Variants in ARID1B observed in about 807,000 individuals in gnomAD.
ARID1B encodes AT-rich interactive domain-containing protein 1B.
In ARID1B, 30 loss-of-function variants were observed where a neutral mutation model predicts 212.3. The observed-to-expected ratio is 0.14, with a 90% CI of 0.11 to 0.19. The LOEUF (loss-of-function observed/expected upper bound fraction) is 0.19. Among genes scored for constraint, ARID1B ranks in the 10% least tolerant of loss-of-function variants. The pLI, the probability that ARID1B is intolerant of heterozygous loss-of-function variation, is 1.00. For missense variants in ARID1B, 2,891 were observed against 3,204.0 expected, an observed-to-expected ratio of 0.90 and a Z score of 2.36; for synonymous variants, 1,402 against 1,301.7, an observed-to-expected ratio of 1.08 and a Z score of -1.66.
At chr6:157,123,665 A>T (rs1420838756) in intron 6 of ARID1B, among the ~76,000 whole-genome samples, 1 of 152,252 alleles carries the variant, frequency 6.6e-6, no homozygotes, top group Non-Finnish European at 1.5e-5. Context: ...GTTTGTAGGG[A>T]AACCTGGCAA....
chr6:157,003,890 G>T (rs943321624), intron 4 of ARID1B, among the ~76,000 whole-genome samples: 2 of 151,778 alleles, frequency 1.3e-5, no homozygotes, highest in Non-Finnish European at 2.9e-5. Flanking sequence ...CTTTGGCCGA[G>T]AGTTCAAGGC....
chr6:156,934,912 T>TTATATATATATATATA, intron 3 of ARID1B, among the ~76,000 whole-genome samples: 1 of 52,692 alleles, frequency 1.9e-5, no homozygotes, highest in South Asian at 8.6e-4. Flanking sequence ...TAGTTGTTAA[T>TTATATATATATATATA]TATATATATA....
At chr6:156,971,814 C>T (rs554591048) in intron 4 of ARID1B, among the ~76,000 whole-genome samples, 145 of 152,238 alleles carry the variant, frequency 9.5e-4, no homozygotes, top group African/African-American at 3.4e-3. Context: ...CTGCTTAGAA[C>T]GGGCCTACCC....
chr6:157,193,691 G>A (rs548577500), intron 15 of ARID1B: 1 of 152,312 alleles, frequency 6.6e-6, no homozygotes, highest in South Asian at 2.1e-4. Flanking sequence ...CTATAACATG[G>A]CAGATGGATT....
At chr6:157,140,067 C>A (rs1789233185) in intron 7 of ARID1B, among the ~76,000 whole-genome samples, 2 of 152,022 alleles carry the variant, frequency 1.3e-5, no homozygotes, top group Admixed American at 1.3e-4. Flanking sequence ...TTTATACATT[C>A]TATTTAAGGA....
chr6:157,198,765 CT>C, intron 16 of ARID1B, 45 bp from the exon 17 acceptor site: 1 of 1,490,248 alleles, frequency 6.7e-7, no homozygotes. Context: ...CTCTGTTTGC[CT>C]GAAGCTTTTT....
intron 4 of ARID1B, among the ~76,000 whole-genome samples, chr6:156,969,263 C>T (rs1341043085): frequency 6.6e-6 from 1 of 152,146 alleles, no homozygotes; most frequent in African/African-American, 2.4e-5. Flanking sequence ...CGACAAAGTT[C>T]TCCAGAAAAT....
At chr6:156,825,014 G>C (rs945098675) in intron 1 of ARID1B, among the ~76,000 whole-genome samples, 2 of 151,974 alleles carry the variant, frequency 1.3e-5, no homozygotes, top group African/African-American at 4.8e-5. Flanking sequence ...ACAGGTGCCC[G>C]CCACCATGCC....
chr6:157,206,799 G>C lies in ARID1B; in HGVS notation c.6027G>C (p.Gly2009=). ...ATGACGTCCTCTCTGCTCGGCCAGG[G>C]GCATTGCCTGAAGACGCAAACCCTG... is the stretch of plus-strand genomic sequence containing the variant. ...TIDDVLSARP[G]ALPEDANPGP... The change falls in exon 20 of 20, where the codon GGG becomes GGC. Residue 2009 remains glycine, a synonymous_variant. Coordinates refer to ENST00000636930, the MANE Select transcript of ARID1B (RefSeq NM_001374828.1). The surrounding 1 kb of genome is among the most constrained non-coding windows in gnomAD (Gnocchi z 6.8). 1 of 1,613,988 alleles carries C rather than the reference G, an allele frequency of 6.2e-7. No individual in the cohort carries two copies. Among genetic ancestry groups the C allele is most frequent in the Admixed American group, 1.7e-5 (1 of 60,028 alleles).
chr6:156,832,925 A>T (rs1316899326), intron 2 of ARID1B, among the ~76,000 whole-genome samples: 1 of 152,156 alleles, frequency 6.6e-6, no homozygotes, highest in East Asian at 1.9e-4. Flanking sequence ...ATTAACTGGA[A>T]CTAGATTTGT....
intron 4 of ARID1B, among the ~76,000 whole-genome samples, chr6:157,037,849 G>A (rs539778573): frequency 6.6e-6 from 1 of 152,328 alleles, no homozygotes; most frequent in African/African-American, 2.4e-5. Context: ...GGCAACCGCA[G>A]TGTGCAGGGT....
chr6:156,930,656 A>G (rs1024088094), intron 3 of ARID1B, among the ~76,000 whole-genome samples: 14 of 152,206 alleles, frequency 9.2e-5, no homozygotes, highest in Non-Finnish European at 1.5e-4. Context: ...ATGTACATCA[A>G]TAAGTGACTG....
At chr6:157,028,842 A>G (rs1019106479) in intron 4 of ARID1B, among the ~76,000 whole-genome samples, 3 of 152,238 alleles carry the variant, frequency 2.0e-5, no homozygotes, top group African/African-American at 7.2e-5. Context: ...CATGCCCTGT[A>G]GCATAGGCAG....
chr6:156,864,667 A>C (rs1165572912), intron 2 of ARID1B, among the ~76,000 whole-genome samples: 2 of 152,112 alleles, frequency 1.3e-5, no homozygotes, highest in Non-Finnish European at 2.9e-5. Flanking sequence ...CTAGAATCAC[A>C]TTCTTACATT....
chr6:157,182,958 C>A (rs1792672890), intron 12 of ARID1B, among the ~76,000 whole-genome samples: 1 of 152,182 alleles, frequency 6.6e-6, no homozygotes, highest in African/African-American at 2.4e-5. Context: ...TCAGCCAGCA[C>A]AGAGTAGATA....
At position 157,123,812 on chromosome 6, in the gene ARID1B, G is replaced by A. The variant is rs146621029; in HGVS notation, c.2582-9216G>A. On this transcript the variant is annotated intron_variant, in intron 6 of 19. Coordinates refer to ENST00000636930, the MANE Select transcript of ARID1B (RefSeq NM_001374828.1). The stretch of plus-strand genomic sequence containing the variant: ...AGCTGTGTGCTTTACACATTTTCTC[G>A]TTTAATCTTACAAGGTAGGCTCAGT... Among the ~76,000 whole-genome samples the A allele has an allele frequency of 1.2e-3, 178 of 152,332 alleles. 3 individuals carry two copies. Among genetic ancestry groups the A allele is most frequent in the Middle Eastern group, 3.4e-3 (1 of 294 alleles).
intron 1 of ARID1B, among the ~76,000 whole-genome samples, chr6:156,810,618 C>G (rs757627745): frequency 6.6e-6 from 1 of 152,190 alleles, no homozygotes. Flanking sequence ...ATCTCTTGAT[C>G]ATTTTCATTT....
chr6:157,130,012 T>G (rs2128576261), intron 6 of ARID1B, among the ~76,000 whole-genome samples: 1 of 152,154 alleles, frequency 6.6e-6, no homozygotes, highest in South Asian at 2.1e-4. Flanking sequence ...CTACTAAAAG[T>G]ACAAAAATCA....
chr6:157,180,846 G>A, intron 11 of ARID1B, 123 bp from the exon 12 acceptor site: 1 of 733,692 alleles, frequency 1.4e-6, no homozygotes, highest in Non-Finnish European at 2.2e-6. Flanking sequence ...ATTGTTGTGT[G>A]ATAGCAGTAG....
Sources: gnomAD v4.1 joint callset for allele counts (sites outside exome capture counted in the v4.1 genomes callset) on GRCh38, gnomAD v4.1.1 for gene constraint, Gnocchi (gnomAD v3.1) non-coding constraint, MANE v1.5 for transcripts, NCBI Gene and HGNC (gene_info 2026-07-23, HGNC 2026-07-21) for gene names.